PDE7B: variants seen among roughly 807,000 people sequenced by gnomAD.
PDE7B encodes the protein 3',5'-cyclic-AMP phosphodiesterase 7B.
Under a neutral mutation model 56.2 loss-of-function variants are expected in PDE7B, and 29 were observed. The observed-to-expected ratio is 0.52, with a 90% CI of 0.38 to 0.70. The LOEUF (loss-of-function observed/expected upper bound fraction) is 0.70, where lower values mean the gene tolerates loss of function less well. Ranked by LOEUF, PDE7B falls within the 30% of genes least tolerant of loss-of-function variation. PDE7B has a pLI of 0.00. For missense variants in PDE7B, 490 were observed against 565.0 expected, an observed-to-expected ratio of 0.87 and a Z score of 1.35; for synonymous variants, 197 against 196.9, an observed-to-expected ratio of 1.00 and a Z score of 0.00.
intron 8 of PDE7B, among the ~76,000 whole-genome samples, chr6:136,160,232 T>C (rs1010582808): frequency 1.3e-5 from 2 of 152,152 alleles, no homozygotes; most frequent in Non-Finnish European, 2.9e-5. Context: ...GAACCGATAC[T>C]TCTTAAAGAT....
At chr6:136,032,158 A>G (rs540427299) in intron 2 of PDE7B, among the ~76,000 whole-genome samples, 1 of 152,324 alleles carries the variant, frequency 6.6e-6, no homozygotes, top group African/African-American at 2.4e-5. Flanking sequence ...AAAGACTCCA[A>G]ACAAAACACT....
intron 2 of PDE7B, chr6:136,098,043 A>G (rs1382539634): frequency 2.1e-5 from 3 of 145,834 alleles, no homozygotes; most frequent in African/African-American, 7.6e-5. Flanking sequence ...ATCAAACATC[A>G]CCCCTTAAGG....
chr6:136,170,532 A>G (rs1290524117), intron 8 of PDE7B, among the ~76,000 whole-genome samples: 1 of 152,188 alleles, frequency 6.6e-6, no homozygotes, highest in Non-Finnish European at 1.5e-5. Flanking sequence ...TAGGTACCTC[A>G]TACACATGAA....
At chr6:136,168,824 C>T (rs1778837372) in intron 8 of PDE7B, among the ~76,000 whole-genome samples, 1 of 152,096 alleles carries the variant, frequency 6.6e-6, no homozygotes, top group Non-Finnish European at 1.5e-5. Context: ...GAGGTAAATG[C>T]AAGAATTCCA....
intron 2 of PDE7B, among the ~76,000 whole-genome samples, chr6:135,962,472 G>T (rs1181848766): frequency 6.6e-6 from 1 of 152,076 alleles, no homozygotes; most frequent in Non-Finnish European, 1.5e-5. Flanking sequence ...GTAAAATCAT[G>T]CATATTTTTT....
rs143794692 is a variant in PDE7B, at chr6:135,974,572, T to G, written c.82+27048T>G. On this transcript the variant is annotated intron_variant, in intron 2 of 12. Transcript: ENST00000308191. ...CCCAAATGGCTCAAACAGAAAAAAC[T>G]TGGAAGTAGTTAGTGTTGCATGTGC... Among the ~76,000 whole-genome samples the G allele has an allele frequency of 7.0e-3, 1,061 of 152,278 alleles. 30 individuals carry two copies. Among genetic ancestry groups the G allele is most frequent in the Admixed American group, 0.051 (777 of 15,272 alleles).
intron 1 of PDE7B, among the ~76,000 whole-genome samples, chr6:135,853,112 G>T (rs1774966767): frequency 6.6e-6 from 1 of 152,054 alleles, no homozygotes; most frequent in Admixed American, 6.6e-5. Context: ...CCTTCTCAAA[G>T]TTATGCAATA....
chr6:136,051,140 G>A (rs143800461), intron 2 of PDE7B, among the ~76,000 whole-genome samples: 266 of 151,238 alleles, frequency 1.8e-3, no homozygotes, highest in African/African-American at 6.3e-3. Context: ...GGGAGTGGGG[G>A]CGGGCAGAGA....
chr6:136,038,006 G>T (rs1287536481), intron 2 of PDE7B: 2 of 1,291,326 alleles, frequency 1.5e-6, no homozygotes, highest in South Asian at 2.6e-5. Context: ...AAGGAGTACA[G>T]TAACAGTTTC....
chr6:135,866,215 G>C (rs910144809), intron 1 of PDE7B, among the ~76,000 whole-genome samples: 1 of 151,844 alleles, frequency 6.6e-6, no homozygotes, highest in Non-Finnish European at 1.5e-5. Context: ...AAATTGTTTA[G>C]AATTTTTTAA....
intron 2 of PDE7B, among the ~76,000 whole-genome samples, chr6:136,022,649 T>C (rs573182739): frequency 7.9e-5 from 12 of 152,356 alleles, no homozygotes; most frequent in Admixed American, 5.2e-4. Flanking sequence ...GATTGATTCC[T>C]TTTTTCCCAC....
chr6:135,942,859 T>TTGTG (rs145548777), intron 1 of PDE7B, among the ~76,000 whole-genome samples: 14 of 151,356 alleles, frequency 9.2e-5, no homozygotes, highest in South Asian at 2.1e-4. Context: ...TAATATTCCA[T>TTGTG]TGTGTGTGTG....
At chr6:136,017,338 G>A (rs1187693923) in intron 2 of PDE7B, among the ~76,000 whole-genome samples, 1 of 152,096 alleles carries the variant, frequency 6.6e-6, no homozygotes, top group Non-Finnish European at 1.5e-5. Context: ...CAGCAAACCT[G>A]AAAACTTTTT....
At chr6:136,003,591 AG>A (rs1775715356) in intron 2 of PDE7B, among the ~76,000 whole-genome samples, 1 of 152,254 alleles carries the variant, frequency 6.6e-6, no homozygotes, top group Admixed American at 6.5e-5. Flanking sequence ...CAAATAAACT[AG>A]AAAATCTAGA....
intron 2 of PDE7B, among the ~76,000 whole-genome samples, chr6:136,022,545 T>C (rs1776089675): frequency 6.6e-6 from 1 of 152,160 alleles, no homozygotes; most frequent in East Asian, 1.9e-4. Context: ...TCTGTGGAGG[T>C]TGATATGTTA....
intron 1 of PDE7B, among the ~76,000 whole-genome samples, chr6:135,936,270 C>G: frequency 6.6e-6 from 1 of 152,190 alleles, no homozygotes; most frequent in South Asian, 2.1e-4. Context: ...GCCCATGCAT[C>G]TCTGAATCAT....
At chr6:136,108,125 C>CA (rs60727586) in intron 2 of PDE7B, among the ~76,000 whole-genome samples, 91,963 of 108,452 alleles carry the variant, frequency 0.85, 40,085 homozygotes, top group East Asian at 0.96. Context: ...GACTCCATGT[C>CA]AAAAAAAAAA....
chr6:136,173,877 A>T lies in PDE7B; in HGVS notation c.792A>T (p.Pro264=). 6.2e-7 allele frequency: 1 copy of T among 1,609,006 alleles called. No individual in the cohort carries two copies. Among genetic ancestry groups the T allele is most frequent in the Non-Finnish European group, 8.5e-7 (1 of 1,175,524 alleles). ...AATCAAGGCTTCTTGCTCATTTGCC[A>T]AAGGAAATGACGTAAGTGCTGCCGA... The part of the protein sequence containing the change: ...LRESRLLAHL[P]KEMTQDIEQQ... Residue 264 remains proline, a synonymous_variant, in exon 9 of 13, where the codon CCA becomes CCT. Coordinates refer to ENST00000308191, the MANE Select transcript of PDE7B (RefSeq NM_018945.4).
At chr6:136,047,900 G>A (rs1348598410) in intron 2 of PDE7B, among the ~76,000 whole-genome samples, 1 of 152,176 alleles carries the variant, frequency 6.6e-6, no homozygotes, top group East Asian at 1.9e-4. Context: ...AGGCAGAATG[G>A]CATATGCTTT....
Sources: allele counts gnomAD v4.1 joint callset (sites outside exome capture counted in the v4.1 genomes callset), GRCh38; gene constraint gnomAD v4.1.1; transcripts MANE v1.5; gene names NCBI Gene and HGNC (gene_info 2026-07-23, HGNC 2026-07-21).